Variants in PCDHA10 observed in about 807,000 individuals in gnomAD.
The protein encoded by PCDHA10 is protocadherin alpha 10.
Under a neutral mutation model 61.2 loss-of-function variants are expected in PCDHA10, and 45 were observed. The ratio of observed to expected loss-of-function variants is 0.74; its 90% CI spans 0.58 to 0.94. The LOEUF is 0.94. Ranked by LOEUF, PCDHA10 falls within the 40% of genes least tolerant of loss-of-function variation. The probability of loss-of-function intolerance (pLI) is 0.00; values close to 1 mark genes in which losing one functional copy is unlikely to be tolerated. For missense variants in PCDHA10, 1,278 were observed against 1,236.2 expected, an observed-to-expected ratio of 1.03 and a Z score of -0.51; for synonymous variants, 602 against 548.8, an observed-to-expected ratio of 1.10 and a Z score of -1.35.
rs527638271 is a variant in PCDHA10, at chr5:140,882,967, G to A, written c.2388+24531G>A. 3.1e-4 allele frequency: 497 copies of A among 1,614,172 alleles called. 6 individuals are homozygous for A. In the South Asian group the frequency reaches 5.0e-3, roughly 16 times the overall value. On this transcript the variant is annotated intron_variant, in intron 1 of 3. Transcript: ENST00000307360. Reference sequence around the variant, plus strand: ...CAGTTCAGCTGCTCATCACGATTCTGGACGTGAATGACAACGCCCCGGAAT... The same window carrying A: ...CAGTTCAGCTGCTCATCACGATTCTAGACGTGAATGACAACGCCCCGGAAT...
intron 2 of PCDHA10, among the ~76,000 whole-genome samples, chr5:140,981,575 A>G (rs2096938835): frequency 1.3e-5 from 2 of 152,152 alleles, no homozygotes; most frequent in African/African-American, 4.8e-5. Flanking sequence ...CTTTGTCTCA[A>G]AAATAAATAA....
intron 1 of PCDHA10, among the ~76,000 whole-genome samples, chr5:140,946,992 A>G (rs1393633852): frequency 6.6e-6 from 1 of 151,790 alleles, no homozygotes; most frequent in Non-Finnish European, 1.5e-5. Context: ...TGAGTGTTCT[A>G]ACTTCAAAGA....
chr5:140,884,872 T>C (rs1427684688), intron 1 of PCDHA10, among the ~76,000 whole-genome samples: 1 of 152,216 alleles, frequency 6.6e-6, no homozygotes, highest in African/African-American at 2.4e-5. Context: ...CATAATGAAA[T>C]GTGCAAAACA....
In PCDHA10 at chr5:140,856,281, T is replaced by C. The variant is rs782635462; in HGVS notation, c.233T>C (p.Leu78Pro). Residue 78 changes from leucine (L) to proline (P), a missense_variant, in exon 1 of 4, where the codon CTG (leucine) becomes CCG (proline). By Grantham distance (98) the Leu-to-Pro change is moderately conservative. Transcript: ENST00000307360. The stretch of plus-strand genomic sequence containing the variant: ...CACGGGGACCTTCTGGAGGTAAATC[T>C]GCAGAATGGCATTTTGTTTGTGAAT... ...KRHGDLLEVN[L>P]QNGILFVNSR... 8.1e-6 allele frequency: 13 copies of C among 1,598,288 alleles called. 1 individual carries two copies. Among genetic ancestry groups the C allele is most frequent in the Non-Finnish European group, 1.1e-5 (13 of 1,168,008 alleles).
At chr5:140,876,945 C>T (rs1405794987) in intron 1 of PCDHA10, 2 of 1,613,474 alleles carry the variant, frequency 1.2e-6, no homozygotes, top group East Asian at 2.2e-5. Flanking sequence ...CGCTGGTGTC[C>T]TACTCGCTGG....
chr5:140,861,729 C>T (rs947423551), intron 1 of PCDHA10: 5 of 192,220 alleles, frequency 2.6e-5, no homozygotes, highest in Non-Finnish European at 5.3e-5. Context: ...GCTCTGATGA[C>T]TTACATACTG....
chr5:140,919,115 T>G (rs2079009343), intron 1 of PCDHA10, among the ~76,000 whole-genome samples: 1 of 152,228 alleles, frequency 6.6e-6, no homozygotes, highest in Non-Finnish European at 1.5e-5. Context: ...TTCTGCCAGT[T>G]TTTGCTTCAT....
intron 1 of PCDHA10, among the ~76,000 whole-genome samples, chr5:140,973,878 A>T (rs1440672302): frequency 6.6e-6 from 1 of 152,214 alleles, no homozygotes; most frequent in African/African-American, 2.4e-5. Context: ...GGTCAGAATA[A>T]TGTCAATTTG....
At position 140,857,086 on chromosome 5, in the gene PCDHA10, A is replaced by G; in HGVS notation, c.1038A>G (p.Ser346=). The G allele has an allele frequency of 6.3e-7, 1 of 1,596,918 alleles. No homozygotes were observed. Among genetic ancestry groups the G allele is most frequent in the South Asian group, 1.1e-5 (1 of 90,498 alleles). Residue 346 remains serine (S), a synonymous_variant, in exon 1 of 4, where the codon TCA becomes TCG. Coordinates refer to ENST00000307360, the MANE Select transcript of PCDHA10 (RefSeq NM_018901.4). ...AACTACTGGATGAAAATGATAATTC[A>G]CCTGAGGTGATTGTCACTTCTCTGT... ...LVELLDENDN[S]PEVIVTSLSL... is the part of the protein sequence containing the mutation.
At chr5:140,934,771 A>G (rs1319115042) in intron 1 of PCDHA10, among the ~76,000 whole-genome samples, 2 of 152,184 alleles carry the variant, frequency 1.3e-5, no homozygotes, top group Non-Finnish European at 2.9e-5. Context: ...CATATTTGAT[A>G]TGGCCCAATC....
At chr5:140,870,880 G>T in intron 1 of PCDHA10, 1 of 1,613,948 alleles carries the variant, frequency 6.2e-7, no homozygotes. Context: ...GGTGGCGAAG[G>T]TGCGCGCAGT....
chr5:140,918,072 T>C (rs1271495774), intron 1 of PCDHA10, among the ~76,000 whole-genome samples: 1 of 152,142 alleles, frequency 6.6e-6, no homozygotes, highest in Non-Finnish European at 1.5e-5. Flanking sequence ...TTTCTTTCAG[T>C]AGTGTTTTAT....
intron 1 of PCDHA10, among the ~76,000 whole-genome samples, chr5:140,961,237 G>A (rs1170465013): frequency 1.3e-5 from 2 of 152,136 alleles, no homozygotes; most frequent in African/African-American, 4.8e-5. Context: ...AAAAGGTGAT[G>A]GAATTTATCC....
chr5:140,977,864 GGTAAGTATAAT>G (rs1175044090), intron 1 of PCDHA10, among the ~76,000 whole-genome samples: 1 of 152,140 alleles, frequency 6.6e-6, no homozygotes, highest in Non-Finnish European at 1.5e-5. Context: ...TACCAAATAT[GGTAAGTATAAT>G]GTAGAGGAAA....
At chr5:140,900,700 T>C (rs557185787) in intron 1 of PCDHA10, among the ~76,000 whole-genome samples, 1 of 152,352 alleles carries the variant, frequency 6.6e-6, no homozygotes, top group South Asian at 2.1e-4. Context: ...ATTTCCGTTC[T>C]TTTGGAAAGA....
intron 1 of PCDHA10, among the ~76,000 whole-genome samples, chr5:140,938,996 A>C (rs1212565184): frequency 2.6e-5 from 4 of 152,206 alleles, no homozygotes; most frequent in Non-Finnish European, 4.4e-5. Context: ...TTATATAGTA[A>C]GTTAAGAAGT....
At chr5:140,861,535 G>A (rs1014652583) in intron 1 of PCDHA10, 3 of 446,466 alleles carry the variant, frequency 6.7e-6, no homozygotes, top group East Asian at 1.3e-4. Context: ...TCGGAGTGCA[G>A]CATCCACCTG....
chr5:140,901,546 T>C (rs2068734079), intron 1 of PCDHA10, among the ~76,000 whole-genome samples: 1 of 152,212 alleles, frequency 6.6e-6, no homozygotes, highest in Non-Finnish European at 1.5e-5. Flanking sequence ...TCTATTCTGT[T>C]CCATTCATCT....
In PCDHA10 at chr5:140,857,268, T is replaced by C. The variant is rs1554149751; in HGVS notation, c.1220T>C (p.Val407Ala). The C allele has an allele frequency of 3.1e-6, 5 of 1,598,704 alleles. No homozygotes were observed. Among genetic ancestry groups the C allele is most frequent in the Non-Finnish European group, 3.4e-6 (4 of 1,168,030 alleles). The change falls in exon 1 of 4, where the codon GTG becomes GCG. Residue 407 changes from valine to alanine, a missense_variant. Transcript: ENST00000307360. ...ACCTACAAGAATTACTACTCATTGG[T>C]GCTGGACAGCGCTCTGGACCGCGAG... ...VSTYKNYYSLVLDSALDRERV... is the reference protein window; with the variant it reads ...VSTYKNYYSLALDSALDRERV...
Sources: gnomAD v4.1 joint callset for allele counts (sites outside exome capture counted in the v4.1 genomes callset) on GRCh38, gnomAD v4.1.1 for gene constraint, MANE v1.5 for transcripts, NCBI Gene and HGNC (gene_info 2026-07-23, HGNC 2026-07-21) for gene names.